KRT3: variants seen among roughly 807,000 people sequenced by gnomAD.
KRT3 encodes keratin, type II cytoskeletal 3.
Under a neutral mutation model 45.8 loss-of-function variants are expected in KRT3, and 34 were observed. That is an observed-to-expected ratio of 0.74 (90% CI 0.57 to 0.99). KRT3 has a LOEUF of 0.99. Ranked by LOEUF, KRT3 falls within the 50% of genes least tolerant of loss-of-function variation. The pLI is 0.00. For missense variants in KRT3, 828 were observed against 820.6 expected (o/e 1.01, Z -0.11); for synonymous variants, 367 against 329.0 (o/e 1.12, Z -1.25).
rs182025748 is a variant in KRT3 at position 52,792,880 on chromosome 12, G to A, written c.928-74C>T. ...CAAACCACAACTGCAGCAAGAAAGA[G>A]CAGAGGGGACTGGTGCAGTGATGGT... is the stretch of plus-strand genomic sequence containing the variant. On this transcript the variant is annotated intron_variant, in intron 3 of 8. Transcript: ENST00000417996. The A allele has an allele frequency of 5.8e-4, 574 of 988,822 alleles. No individual in the cohort carries two copies. The East Asian group carries it at 7.9e-3, about 14-fold the overall frequency. 61.3% of individuals were successfully genotyped at this position (988,822 alleles called of 1,614,324 possible).
At position 52,795,474 on chromosome 12, in the gene KRT3, TG is replaced by T. The variant is rs866582694; in HGVS notation, c.568del (p.Gln190ArgfsTer5). 1 of 1,614,004 alleles carries T rather than the reference TG, an allele frequency of 6.2e-7. No individual in the cohort carries two copies. On this transcript the variant is annotated frameshift_variant, in exon 1 of 9. Transcript: ENST00000417996. LOFTEE classifies it high-confidence loss of function. ...LQPLNVEIDP[Q>X]IGQVKAQERE... ...CTCCTGGGCCTTTACTTGCCCAATC[TG>T]GGGGTCGATCTCCACATTGAGGGGC... is the stretch of plus-strand genomic sequence containing the variant.
At position 52,791,753 on chromosome 12, in the gene KRT3, T is replaced by G; in HGVS notation, c.1252A>C (p.Ile418Leu). Residue 418 changes from isoleucine to leucine, a missense_variant, in exon 6 of 9, where the codon ATC (isoleucine) becomes CTC (leucine). By Grantham distance (5) the Ile-to-Leu change is conservative (BLOSUM62 2). Transcript: ENST00000417996. The stretch of plus-strand genomic sequence containing the variant: ...TGGATCATTCTGTTGAGCTCTATGA[T>G]CTCGCTCTTGGTATTTCTTAGGTCA... Reference protein sequence around the residue: ...GDDLRNTKSEIIELNRMIQRL... With the variant: ...GDDLRNTKSELIELNRMIQRL... 2 of 1,614,070 alleles carry G rather than the reference T, an allele frequency of 1.2e-6. No homozygotes were observed. The highest frequency in any genetic ancestry group is 1.7e-6 in the Non-Finnish European group (2 of 1,179,968).
Position 52,789,939 on chromosome 12 carries a change from G to T in KRT3, c.*103C>A. The T allele has an allele frequency of 2.5e-6, 3 of 1,219,822 alleles. No homozygotes were observed. The highest frequency in any genetic ancestry group is 3.5e-6 in the Non-Finnish European group (3 of 859,340). The allele number at this position is 1,219,822 out of a possible 1,614,324, so 75.6% of individuals were successfully genotyped here. A position where few individuals can be genotyped will look rare whatever the true frequency, so the allele number is the denominator to read the frequency against. On this transcript the variant is annotated 3_prime_UTR_variant, in exon 9 of 9. Transcript: ENST00000417996. ...GCCACAAGCCTTCCAGCGCAGAGCC[G>T]CGTTCTTGGGGAGCATGGGGTGGCG...
rs766303230 is a variant in KRT3, at chr12:52,795,382, G to T, written c.645+16C>A. 1.2e-6 allele frequency: 2 copies of T among 1,613,978 alleles called. No individual in the cohort carries two copies. Among genetic ancestry groups the T allele is most frequent in the Admixed American group, 3.3e-5 (2 of 60,024 alleles). ...TCCCCAGCCCAGGAAGGGATGACCA[G>T]TCAAAGCTTCATTACCTTGTCAATG... On this transcript the variant is annotated intron_variant, in intron 1 of 8. Transcript: ENST00000417996.
intron 7 of KRT3, 27 bp from the exon 8 acceptor site, chr12:52,790,899 G>A (rs17119107): frequency 0.037 from 58,008 of 1,580,904 alleles, 1,357 homozygotes; most frequent in African/African-American, 0.1. Flanking sequence ...GAGAAAGTGG[G>A]CCCCGTCACA....
At position 52,789,859 on chromosome 12, in the gene KRT3, A is replaced by G. The variant is rs1939443771; in HGVS notation, c.*183T>C. 2.9e-6 allele frequency: 2 copies of G among 686,690 alleles called. No individual in the cohort carries two copies. Among genetic ancestry groups the G allele is most frequent in the African/African-American group, 1.8e-5 (1 of 56,322 alleles). 42.5% of individuals were successfully genotyped at this position (686,690 alleles called of 1,614,324 possible). Reference sequence around the variant, plus strand: ...GGCACAGGCTGGAGCCGGAGAGAAGAGCCTGAAATTCTCGTGACTGGGCTT... The same window carrying G: ...GGCACAGGCTGGAGCCGGAGAGAAGGGCCTGAAATTCTCGTGACTGGGCTT... On this transcript the variant is annotated 3_prime_UTR_variant, in exon 9 of 9. Transcript: ENST00000417996.
chr12:52,793,587 GT>G, intron 2 of KRT3, among the ~76,000 whole-genome samples: 1 of 151,910 alleles, frequency 6.6e-6, no homozygotes, highest in East Asian at 1.9e-4. Context: ...AAACTCATCC[GT>G]TTTTTGTTTT....
chr12:52,790,126 G>T lies in KRT3; in HGVS notation c.1803C>A (p.Gly601=). Residue 601 remains glycine, a synonymous_variant, in exon 9 of 9, where the codon GGC becomes GGA. Coordinates refer to ENST00000417996, the MANE Select transcript of KRT3 (RefSeq NM_057088.3). ...SISGARYGVS[G]GGFSSASNRG... Reference sequence around the variant, plus strand: ...GGTTGCTGGCCGAGCTGAAGCCCCCGCCACTGACTCCATAGCGGGCGCCAG... The same window carrying T: ...GGTTGCTGGCCGAGCTGAAGCCCCCTCCACTGACTCCATAGCGGGCGCCAG... The T allele has an allele frequency of 1.3e-6, 2 of 1,546,260 alleles. No homozygotes were observed. The highest frequency in any genetic ancestry group is 1.7e-6 in the Non-Finnish European group (2 of 1,146,812).
chr12:52,789,854 A>G lies in KRT3; in HGVS notation c.*188T>C. ...TCACAGGCACAGGCTGGAGCCGGAGAGAAGAGCCTGAAATTCTCGTGACTG... is the reference window on the plus strand; with the variant it reads ...TCACAGGCACAGGCTGGAGCCGGAGGGAAGAGCCTGAAATTCTCGTGACTG... On this transcript the variant is annotated 3_prime_UTR_variant, in exon 9 of 9. Coordinates refer to ENST00000417996, the MANE Select transcript of KRT3 (RefSeq NM_057088.3). The G allele has an allele frequency of 1.5e-6, 1 of 679,492 alleles. No individual in the cohort carries two copies. The highest frequency in any genetic ancestry group is 2.5e-6 in the Non-Finnish European group (1 of 393,262). 42.1% of individuals were successfully genotyped at this position (679,492 alleles called of 1,614,324 possible).
rs753791764 is a variant in KRT3 at position 52,795,388 on chromosome 12, G to A, written c.645+10C>T. 4.3e-6 allele frequency: 7 copies of A among 1,613,932 alleles called. No homozygotes were observed. In the South Asian group the frequency reaches 6.6e-5, roughly 15 times the overall value. Reference sequence around the variant, plus strand: ...GCCCAGGAAGGGATGACCAGTCAAAGCTTCATTACCTTGTCAATGAAGGAG... The same window carrying A: ...GCCCAGGAAGGGATGACCAGTCAAAACTTCATTACCTTGTCAATGAAGGAG... On this transcript the variant is annotated intron_variant, in intron 1 of 8. Transcript: ENST00000417996.
rs1939493124 is a variant in KRT3, at chr12:52,791,379, C to G, written c.1362G>C (p.Glu454Asp). ...TAIAEAEQHG[E>D]MALKDANAKL... ...TGGCATTGGCATCCTTGAGGGCCAT[C>G]TCTCCATGCTGCTCGGCCTCGGCAA... The change falls in exon 7 of 9, where the codon GAG (glutamate) becomes GAC (aspartate). Residue 454 changes from glutamate (E) to aspartate (D), a missense_variant. Coordinates refer to ENST00000417996, the MANE Select transcript of KRT3 (RefSeq NM_057088.3). 1.2e-6 allele frequency: 2 copies of G among 1,614,244 alleles called. No individual in the cohort carries two copies. Among genetic ancestry groups the G allele is most frequent in the Non-Finnish European group, 1.7e-6 (2 of 1,180,026 alleles).
chr12:52,792,927 AC>A, intron 3 of KRT3, 121 bp from the exon 4 acceptor site: 1 of 746,250 alleles, frequency 1.3e-6, no homozygotes, highest in East Asian at 2.5e-5. Flanking sequence ...ACCAGTCTCC[AC>A]TTGAACGGGC....
At chr12:52,791,915 G>C (rs1018291262) in intron 5 of KRT3, 99 bp from the exon 6 acceptor site, 2 of 1,347,210 alleles carry the variant, frequency 1.5e-6, no homozygotes, top group African/African-American at 2.9e-5. Context: ...GCTCAGTAAG[G>C]CATTTGCTAA....
chr12:52,796,076 T>G lies in KRT3; in HGVS notation c.-34A>C. ...GCTTGGCGAAGAGAAGAGTGTAAGTTAAGCAGGGACACTGAGAGTCAGAGG... is the reference window on the plus strand; with the variant it reads ...GCTTGGCGAAGAGAAGAGTGTAAGTGAAGCAGGGACACTGAGAGTCAGAGG... On this transcript the variant is annotated 5_prime_UTR_variant, in exon 1 of 9. Coordinates refer to ENST00000417996, the MANE Select transcript of KRT3 (RefSeq NM_057088.3). 1 of 1,607,602 alleles carries G rather than the reference T, an allele frequency of 6.2e-7. No homozygotes were observed. Among genetic ancestry groups the G allele is most frequent in the East Asian group, 2.2e-5 (1 of 44,832 alleles).
rs2121214645 is a variant in KRT3, at chr12:52,789,793, C to T, written c.*249G>A. ...CCCACCCAGGGAGGGGACTCCGGGG[C>T]AGCAGAAGGTGGCGGCCTAGGCCAC... On this transcript the variant is annotated 3_prime_UTR_variant, in exon 9 of 9. Transcript: ENST00000417996. The T allele has an allele frequency of 1.6e-6, 1 of 607,834 alleles. No homozygotes were observed. Among genetic ancestry groups the T allele is most frequent in the East Asian group, 2.7e-5 (1 of 36,380 alleles). 37.7% of individuals were successfully genotyped at this position (607,834 alleles called of 1,614,324 possible). A position where few individuals can be genotyped will look rare whatever the true frequency, so the allele number is the denominator to read the frequency against.
chr12:52,795,738 C>G lies in KRT3; in HGVS notation c.305G>C (p.Gly102Ala). 6.2e-7 allele frequency: 1 copy of G among 1,613,140 alleles called. No individual in the cohort carries two copies. The highest frequency in any genetic ancestry group is 2.2e-5 in the East Asian group (1 of 44,858). Reference sequence around the variant, plus strand: ...ACCAAAGCCACCACCAAAGCCACCTCCATAGCCGCTCCCAAAGCCACCTCC... The same window carrying G: ...ACCAAAGCCACCACCAAAGCCACCTGCATAGCCGCTCCCAAAGCCACCTCC... ...GYGGGFGSGY[G>A]GGFGGGFGGG... is the part of the protein sequence containing the mutation. The change falls in exon 1 of 9, where the codon GGA becomes GCA. Residue 102 changes from glycine to alanine, a missense_variant. Transcript: ENST00000417996.
At position 52,789,838 on chromosome 12, in the gene KRT3, C is replaced by G. The variant is rs1939443327; in HGVS notation, c.*204G>C. ...GGCCACACCTGGACAATCACAGGCA[C>G]AGGCTGGAGCCGGAGAGAAGAGCCT... is the stretch of plus-strand genomic sequence containing the variant. On this transcript the variant is annotated 3_prime_UTR_variant, in exon 9 of 9. Transcript: ENST00000417996. The G allele has an allele frequency of 1.5e-6, 1 of 656,568 alleles. No individual in the cohort carries two copies. The highest frequency in any genetic ancestry group is 2.6e-6 in the Non-Finnish European group (1 of 378,454). The allele number at this position is 656,568 out of a possible 1,614,324, so 40.7% of individuals were successfully genotyped here. A position where few individuals can be genotyped will look rare whatever the true frequency, so the allele number is the denominator to read the frequency against.
Position 52,792,236 on chromosome 12 carries a change from C to T in KRT3, c.1188+3G>A, listed in dbSNP as rs1254279474. ...GATCCCGTAAGAGGTGACTAGCACC[C>T]ACCTTGGTCTGGTACAGGGCCTCAG... On this transcript the variant is annotated splice_donor_region_variant and intron_variant, in intron 5 of 8. Transcript: ENST00000417996. 7 of 1,613,596 alleles carry T rather than the reference C, an allele frequency of 4.3e-6. No homozygotes were observed. The African/African-American group carries it at 6.7e-5, about 15-fold the overall frequency.
Position 52,791,252 on chromosome 12 carries a change from C to A in KRT3, c.1489G>T (p.Val497Leu). The change falls in exon 7 of 9, where the codon GTG (valine) becomes TTG (leucine). Residue 497 changes from valine (V) to leucine (L), a missense_variant. Coordinates refer to ENST00000417996, the MANE Select transcript of KRT3 (RefSeq NM_057088.3). ...ELMNVKLALD[V>L]EIATYRKLLE... The stretch of plus-strand genomic sequence containing the variant: ...AGCTTGCGGTAGGTGGCGATCTCCA[C>A]GTCCAGGGCCAGCTTGACATTCATC... 1 of 1,614,256 alleles carries A rather than the reference C, an allele frequency of 6.2e-7. No individual in the cohort carries two copies. Among genetic ancestry groups the A allele is most frequent in the Non-Finnish European group, 8.5e-7 (1 of 1,180,038 alleles).
Sources: gnomAD v4.1 joint callset for allele counts (sites outside exome capture counted in the v4.1 genomes callset) on GRCh38, gnomAD v4.1.1 for gene constraint, MANE v1.5 for transcripts, NCBI Gene and HGNC (gene_info 2026-07-23, HGNC 2026-07-21) for gene names.